CUX1: variants seen among roughly 807,000 people sequenced by gnomAD.
CUX1 encodes protein CASP.
Under a neutral mutation model 158.8 loss-of-function variants are expected in CUX1, and 31 were observed. The observed-to-expected ratio is 0.20, with a 90% confidence interval of 0.15 to 0.26. CUX1 has a LOEUF of 0.26. Among genes scored for constraint, CUX1 ranks in the 10% least tolerant of loss-of-function variants. CUX1 has a pLI of 1.00. For synonymous variants in CUX1, 879 were observed against 862.1 expected, an observed-to-expected ratio of 1.02 and a Z score of -0.34; for missense variants, 1,589 against 2,014.6, an observed-to-expected ratio of 0.79 and a Z score of 4.04.
At chr7:102,212,998 C>A (rs1796706027) in intron 20 of CUX1, among the ~76,000 whole-genome samples, 2 of 152,196 alleles carry the variant, frequency 1.3e-5, no homozygotes, top group Non-Finnish European at 1.5e-5. Flanking sequence ...GTGTGCACCA[C>A]CACACCTGAC....
intron 2 of CUX1, among the ~76,000 whole-genome samples, chr7:101,956,913 C>T (rs1809850577): frequency 6.6e-6 from 1 of 152,128 alleles, no homozygotes; most frequent in South Asian, 2.1e-4. Flanking sequence ...CACACCACTG[C>T]ATTCCAGCCT....
chr7:101,958,479 CTTTTT>C (rs11433173), intron 2 of CUX1, among the ~76,000 whole-genome samples: 4 of 112,106 alleles, frequency 3.6e-5, no homozygotes, highest in Non-Finnish European at 6.9e-5. Context: ...ATTTTCTTTT[CTTTTT>C]TTTTTTTTTT....
chr7:101,901,474 T>C (rs1286997236), intron 1 of CUX1, among the ~76,000 whole-genome samples: 1 of 152,048 alleles, frequency 6.6e-6, no homozygotes, highest in Non-Finnish European at 1.5e-5. Context: ...TTTGTATTTT[T>C]AATAGAGACA....
chr7:101,918,006 G>A (rs986239694), intron 2 of CUX1, among the ~76,000 whole-genome samples: 5 of 152,130 alleles, frequency 3.3e-5, no homozygotes, highest in Non-Finnish European at 7.3e-5. Context: ...AACGTTTTGT[G>A]GTTAAAAACA....
intron 1 of CUX1, among the ~76,000 whole-genome samples, chr7:101,892,885 G>A (rs893656691): frequency 2.0e-5 from 3 of 152,060 alleles, no homozygotes; most frequent in Admixed American, 2.0e-4. Context: ...TAGGGAAAAC[G>A]TTTCCAGAAA....
At chr7:102,175,708 G>A (rs1554511713) in intron 10 of CUX1, among the ~76,000 whole-genome samples, 1 of 151,902 alleles carries the variant, frequency 6.6e-6, no homozygotes, top group East Asian at 1.9e-4. Context: ...TCAGCCCCAC[G>A]TGCCACTGTC....
chr7:102,105,916 A>G (rs530283725), intron 6 of CUX1, among the ~76,000 whole-genome samples: 3 of 152,094 alleles, frequency 2.0e-5, no homozygotes, highest in Non-Finnish European at 4.4e-5. Flanking sequence ...AAAGATACTG[A>G]ATTTTAACTC....
At position 102,248,568 on chromosome 7, in the gene CUX1, C is replaced by T. The variant is rs1554537885; in HGVS notation, c.4044C>T (p.Gly1348=). 2 of 1,490,322 alleles carry T rather than the reference C, an allele frequency of 1.3e-6. No individual in the cohort carries two copies. The highest frequency in any genetic ancestry group is 4.6e-5 in the Admixed American group (2 of 43,920). 92.3% of individuals were successfully genotyped at this position (1,490,322 alleles called of 1,614,324 possible). ...GCGTGGAGGCCACTGAGGGCCCAGG[C>T]AGCGCCGACACCGAGGAGCCCAAGT... The part of the protein sequence containing the change: ...CDGVEATEGP[G]SADTEEPKSQ... Residue 1348 remains glycine (G), a synonymous_variant, in exon 24 of 24, where the codon GGC becomes GGT. Coordinates refer to ENST00000292535, the MANE Select transcript of CUX1 (RefSeq NM_181552.4). The surrounding 1 kb of genome is among the most constrained non-coding windows in gnomAD (Gnocchi z 5.8).
chr7:102,268,311 G>T (rs185980043), intron 14 of CUX1, among the ~76,000 whole-genome samples: 1 of 152,164 alleles, frequency 6.6e-6, no homozygotes, highest in Non-Finnish European at 1.5e-5. Context: ...TCTGCCCATC[G>T]GGCTGTGCCT....
chr7:101,999,210 T>A (rs1816367211), intron 2 of CUX1, among the ~76,000 whole-genome samples: 1 of 133,126 alleles, frequency 7.5e-6, no homozygotes, highest in Non-Finnish European at 1.6e-5. Flanking sequence ...TACAAACTTT[T>A]TTTTACCTTT....
At chr7:101,867,099 C>T (rs1223709381) in intron 1 of CUX1, among the ~76,000 whole-genome samples, 1 of 152,094 alleles carries the variant, frequency 6.6e-6, no homozygotes, top group East Asian at 1.9e-4. Flanking sequence ...TGCCTGTAAT[C>T]CCACCTACCC....
At chr7:101,860,936 T>G (rs963690684) in intron 1 of CUX1, among the ~76,000 whole-genome samples, 1 of 152,080 alleles carries the variant, frequency 6.6e-6, no homozygotes, top group African/African-American at 2.4e-5. Flanking sequence ...CCTGTGAGGT[T>G]CCGGGAACAC....
intron 23 of CUX1, among the ~76,000 whole-genome samples, chr7:102,246,877 G>C (rs765138765): frequency 1.3e-5 from 2 of 152,286 alleles, no homozygotes; most frequent in Admixed American, 6.5e-5. Context: ...GCCTCAGAAA[G>C]CCTTATTGGC....
At chr7:102,002,591 G>A (rs1816812524) in intron 2 of CUX1, among the ~76,000 whole-genome samples, 1 of 152,200 alleles carries the variant, frequency 6.6e-6, no homozygotes, top group South Asian at 2.1e-4. Context: ...TTGGTACAAG[G>A]GGGCCTTGCT....
chr7:102,125,778 A>T (rs1554495007), intron 8 of CUX1: 2 of 151,768 alleles, frequency 1.3e-5, no homozygotes, highest in Admixed American at 6.6e-5. Flanking sequence ...TTTTTAAAAA[A>T]TTTTGTCATG....
intron 20 of CUX1, among the ~76,000 whole-genome samples, chr7:102,208,059 G>C (rs1457401014): frequency 2.0e-5 from 3 of 152,042 alleles, no homozygotes; most frequent in African/African-American, 7.2e-5. Context: ...GTGATGGCAT[G>C]CACCTGTAGT....
At chr7:102,274,259 C>G in exon 16 of CUX1, 2 of 1,613,604 alleles carry the variant, frequency 1.2e-6, no homozygotes, top group Non-Finnish European at 1.7e-6. Flanking sequence ...CGCTGAGCAC[C>G]GCCTGGAGAA....
intron 4 of CUX1, among the ~76,000 whole-genome samples, chr7:102,093,331 A>G (rs1211363354): frequency 6.6e-6 from 1 of 151,876 alleles, no homozygotes; most frequent in African/African-American, 2.4e-5. Context: ...GACTACAGGC[A>G]TGCACCACCA....
Position 102,256,875 on chromosome 7 carries a change from T to C in CUX1, c.*7833T>C, listed in dbSNP as rs1789953332. The C allele has an allele frequency of 1.0e-6, 1 of 985,398 alleles. No individual in the cohort carries two copies. Among genetic ancestry groups the C allele is most frequent in the Admixed American group, 6.1e-5 (1 of 16,266 alleles). 61.0% of individuals were successfully genotyped at this position (985,398 alleles called of 1,614,324 possible). ...TACGTTTTGGTTGGTTTTTTGTTGT[T>C]GTTTTTCTTGCGTACAAAGTTGGTC... On this transcript the variant is annotated 3_prime_UTR_variant, in exon 24 of 24. Transcript: ENST00000292535.
Sources: allele counts gnomAD v4.1 joint callset (sites outside exome capture counted in the v4.1 genomes callset), GRCh38; gene constraint gnomAD v4.1.1; non-coding constraint Gnocchi (gnomAD v3.1); transcripts MANE v1.5; gene names NCBI Gene and HGNC (gene_info 2026-07-23, HGNC 2026-07-21).